The following RBFOX3 variants were observed in gnomAD, a reference collection of about 807,000 sequenced individuals.
RBFOX3 encodes RNA binding protein fox-1 homolog 3.
RBFOX3 carries 17 observed loss-of-function variants against 48.7 expected under a neutral mutation model. The ratio of observed to expected loss-of-function variants is 0.35; its 90% confidence interval spans 0.24 to 0.52. The LOEUF (loss-of-function observed/expected upper bound fraction) is 0.52, where lower values mean the gene tolerates loss of function less well. Among genes scored for constraint, RBFOX3 ranks in the 20% least tolerant of loss-of-function variants. The pLI is 0.94. For missense variants in RBFOX3, 382 were observed against 497.5 expected, an observed-to-expected ratio of 0.77 and a Z score of 2.21; for synonymous variants, 212 against 209.5, an observed-to-expected ratio of 1.01 and a Z score of -0.10.
chr17:79,525,779 A>C (rs2086718481), intron 1 of RBFOX3, among the ~76,000 whole-genome samples: 1 of 152,210 alleles, frequency 6.6e-6, no homozygotes. Flanking sequence ...CTATGAGTAC[A>C]TTTTAATTCA....
chr17:79,288,813 CCT>C (rs897982954), intron 3 of RBFOX3, among the ~76,000 whole-genome samples: 2 of 151,996 alleles, frequency 1.3e-5, no homozygotes, highest in African/African-American at 4.8e-5. Context: ...ACCCCAATAA[CCT>C]CTCTGATTTC....
At position 79,155,293 on chromosome 17, in the gene RBFOX3, A is replaced by T. The variant is rs116549747; in HGVS notation, c.-33-39545T>A. Among the ~76,000 whole-genome samples, 1,116 of 152,150 alleles carry T rather than the reference A, an allele frequency of 7.3e-3. 14 individuals carry two copies. The highest frequency in any genetic ancestry group is 0.025 in the African/African-American group (1,029 of 41,516). ...ACCCCCAAGCCTTGACAGTACCCCC[A>T]GCAATCACTCAGACTCCTCAACACT... On this transcript the variant is annotated intron_variant, in intron 4 of 14. Transcript: ENST00000693108.
rs72532123 is a variant in RBFOX3, at chr17:79,243,201, C to CA, written c.-73-7397_-73-7396insT. ...CTGGTAGCGGTTGCAGCTGAGTTTGCGCGAGACCCACCTGACCACAACCTT... is the reference window on the plus strand; with the variant it reads ...CTGGTAGCGGTTGCAGCTGAGTTTGCAGCGAGACCCACCTGACCACAACCTT... On this transcript the variant is annotated intron_variant, in intron 3 of 14. Transcript: ENST00000693108. This position sits in a 1 kb window ranked among gnomAD's most constrained non-coding sequence, Gnocchi z 7.9. Among the ~76,000 whole-genome samples the CA allele has an allele frequency of 1.3e-3, 15 of 11,170 alleles. No individual in the cohort carries two copies. Among genetic ancestry groups the CA allele is most frequent in the South Asian group, 0.17 (1 of 6 alleles). The allele number at this position is 11,170 out of a possible 152,430, so 7.3% of individuals were successfully genotyped here.
At chr17:79,438,168 G>A (rs1489834499) in intron 2 of RBFOX3, among the ~76,000 whole-genome samples, 1 of 152,102 alleles carries the variant, frequency 6.6e-6, no homozygotes, top group Non-Finnish European at 1.5e-5. Context: ...CCTTCATGTT[G>A]TTGAAAAGAA....
chr17:79,467,024 T>G (rs1396913810), intron 2 of RBFOX3, among the ~76,000 whole-genome samples: 2 of 152,186 alleles, frequency 1.3e-5, no homozygotes, highest in Non-Finnish European at 1.5e-5. Flanking sequence ...GCATGACACA[T>G]GCCATATGCA....
At chr17:79,312,852 G>T (rs911960300) in intron 2 of RBFOX3, among the ~76,000 whole-genome samples, 13 of 152,232 alleles carry the variant, frequency 8.5e-5, no homozygotes, top group Admixed American at 6.5e-4. Flanking sequence ...ATCTCCTCGA[G>T]GGGGAGAGAG....
At chr17:79,630,081 T>G in the RBFOX3 span, among the ~76,000 whole-genome samples, 8 of 152,152 alleles carry the variant, frequency 5.3e-5, no homozygotes, top group African/African-American at 1.7e-4. Context: ...AAGGAAAAAT[T>G]TTTTAACTTG....
chr17:79,131,261 G>T (rs780560650), intron 4 of RBFOX3, among the ~76,000 whole-genome samples: 1 of 152,074 alleles, frequency 6.6e-6, no homozygotes, highest in Non-Finnish European at 1.5e-5. Context: ...TGTGTGCTCC[G>T]CTCAGTCTCC....
At chr17:79,146,168 CCTG>C (rs973947651) in intron 4 of RBFOX3, among the ~76,000 whole-genome samples, 5 of 152,190 alleles carry the variant, frequency 3.3e-5, no homozygotes, top group African/African-American at 1.2e-4. Flanking sequence ...CTGCTCACCT[CCTG>C]CTGTGCGCCC....
At chr17:79,540,431 C>T (rs1010850765) in intron 1 of RBFOX3, among the ~76,000 whole-genome samples, 1 of 152,226 alleles carries the variant, frequency 6.6e-6, no homozygotes, top group Non-Finnish European at 1.5e-5. Context: ...GCATCCACCT[C>T]CTTAAGGTGC....
rs112376557 is a variant in RBFOX3 at position 79,242,247 on chromosome 17, G to A, written c.-73-6442C>T. ...GGAGCCCCGGGGTGGGGGGCAGGCC[G>A]TATGGAGGGTCCTCGAGGCAGCTTT... On this transcript the variant is annotated intron_variant, in intron 3 of 14. Coordinates refer to ENST00000693108, the MANE Select transcript of RBFOX3 (RefSeq NM_001350451.2). The surrounding 1 kb of genome is among the most constrained non-coding windows in gnomAD (Gnocchi z 5.8). 0.016 allele frequency among the ~76,000 whole-genome samples: 2,393 copies of A among 152,226 alleles called. 36 individuals are homozygous for A. Among genetic ancestry groups the A allele is most frequent in the Non-Finnish European group, 0.026 (1,759 of 68,008 alleles).
chr17:79,550,467 C>T (rs1239893605), intron 1 of RBFOX3, among the ~76,000 whole-genome samples: 1 of 148,196 alleles, frequency 6.7e-6, no homozygotes, highest in African/African-American at 2.5e-5. Flanking sequence ...ACACACACGT[C>T]TAGTACCCAA....
At chr17:79,397,695 G>A (rs967931721) in intron 2 of RBFOX3, among the ~76,000 whole-genome samples, 2 of 152,144 alleles carry the variant, frequency 1.3e-5, no homozygotes, top group African/African-American at 4.8e-5. Flanking sequence ...TGGTCCAATG[G>A]CTGAGATAAA....
At chr17:79,188,744 G>T (rs2053908847) in intron 4 of RBFOX3, among the ~76,000 whole-genome samples, 1 of 112,766 alleles carries the variant, frequency 8.9e-6, no homozygotes, top group Admixed American at 9.7e-5. Flanking sequence ...CTCCTCTTCT[G>T]TGGAAGGCGA....
At chr17:79,400,327 G>T (rs1355156757) in intron 2 of RBFOX3, among the ~76,000 whole-genome samples, 2 of 152,094 alleles carry the variant, frequency 1.3e-5, no homozygotes, top group Non-Finnish European at 2.9e-5. Context: ...CACCCGAGGG[G>T]CTCCCGGGCT....
intron 2 of RBFOX3, among the ~76,000 whole-genome samples, chr17:79,475,044 G>A (rs1469150084): frequency 2.6e-5 from 4 of 152,118 alleles, no homozygotes; most frequent in African/African-American, 9.7e-5. Flanking sequence ...TGACAAAAGT[G>A]TGCGCCCAAA....
chr17:79,388,637 C>T (rs529693487), intron 2 of RBFOX3, among the ~76,000 whole-genome samples: 10 of 152,320 alleles, frequency 6.6e-5, no homozygotes, highest in South Asian at 2.1e-4. Context: ...GGCTGGATCT[C>T]GTTCCCACCT....
intron 9 of RBFOX3, chr17:79,099,039 C>A (rs1007283007): frequency 2.6e-5 from 4 of 152,268 alleles, no homozygotes; most frequent in Admixed American, 6.5e-5. Context: ...CCCCGGCCCA[C>A]CATCACACAA....
In RBFOX3 at chr17:79,491,461, G is replaced by A. The variant is rs767903942; in HGVS notation, c.-319-8863C>T. On this transcript the variant is annotated intron_variant, in intron 1 of 14. Coordinates refer to ENST00000693108, the MANE Select transcript of RBFOX3 (RefSeq NM_001350451.2). ...TGGGTAGAGGGGAAAAACCAAGGCAGGAATCTCAGTAGGGAGGTGGCCCAG... is the reference window on the plus strand; with the variant it reads ...TGGGTAGAGGGGAAAAACCAAGGCAAGAATCTCAGTAGGGAGGTGGCCCAG... 2.5e-3 allele frequency among the ~76,000 whole-genome samples: 377 copies of A among 152,138 alleles called. 1 individual carries two copies. Among genetic ancestry groups the A allele is most frequent in the Non-Finnish European group, 3.4e-3 (228 of 67,986 alleles).
Sources: gnomAD v4.1 joint callset for allele counts (sites outside exome capture counted in the v4.1 genomes callset) on GRCh38, gnomAD v4.1.1 for gene constraint, Gnocchi (gnomAD v3.1) non-coding constraint, MANE v1.5 for transcripts, NCBI Gene and HGNC (gene_info 2026-07-23, HGNC 2026-07-21) for gene names.